MKRN2OS: variants seen among roughly 807,000 people sequenced by gnomAD.
MKRN2OS encodes the protein MKRN2 opposite strand, also known as MKRN2 opposite strand protein.
Under a neutral mutation model 18.2 loss-of-function variants are expected in MKRN2OS, and 17 were observed. The ratio of observed to expected loss-of-function variants is 0.93; its 90% CI spans 0.64 to 1.40. MKRN2OS has a LOEUF of 1.40. Among genes scored for constraint, MKRN2OS ranks in the 40% most tolerant of loss-of-function variants. The pLI is 0.00. For synonymous variants in MKRN2OS, 121 were observed against 108.5 expected, an observed-to-expected ratio of 1.12 and a Z score of -0.72; for missense variants, 337 against 283.0, an observed-to-expected ratio of 1.19 and a Z score of -1.37.
Position 12,540,028 on chromosome 3 carries a change from A to G in MKRN2OS, c.*165T>C, listed in dbSNP as rs2057771035. ...TCAAACTCCCAACCTCAGGTGACCT[A>G]CCTGTCTTAGCTTCCCAAAGTGCTG... is the stretch of plus-strand genomic sequence containing the variant. On this transcript the variant is annotated 3_prime_UTR_variant, in exon 4 of 4. Transcript: ENST00000564146. 5 of 967,450 alleles carry G rather than the reference A, an allele frequency of 5.2e-6. No individual in the cohort carries two copies. Among genetic ancestry groups the G allele is most frequent in the Non-Finnish European group, 7.5e-6 (5 of 666,856 alleles). The allele number at this position is 967,450 out of a possible 1,614,324, so 59.9% of individuals were successfully genotyped here.
intron 1 of MKRN2OS, among the ~76,000 whole-genome samples, chr3:12,558,915 T>A (rs770765923): frequency 1.3e-5 from 2 of 152,244 alleles, no homozygotes; most frequent in Non-Finnish European, 2.9e-5. Context: ...CCACAGATCG[T>A]AAAACTGAGC....
At position 12,545,333 on chromosome 3, in the gene MKRN2OS, T is replaced by A; in HGVS notation, c.132A>T (p.Ala44=). ...QDLGSRKLED[A]PVSIANPFTN... is the part of the protein sequence containing the mutation. ...TAAATGGATTAGCGATGCTAACAGG[T>A]GCGTCCTCCAGCTTCCTCGAGCCCA... is the stretch of plus-strand genomic sequence containing the variant. The change falls in exon 1 of 4, where the codon GCA becomes GCT. Residue 44 remains alanine (A), a synonymous_variant. Coordinates refer to ENST00000564146, the MANE Select transcript of MKRN2OS (RefSeq NM_001195279.2). 6.5e-7 allele frequency: 1 copy of A among 1,536,070 alleles called. No individual in the cohort carries two copies. Among genetic ancestry groups the A allele is most frequent in the Non-Finnish European group, 8.7e-7 (1 of 1,146,894 alleles).
chr3:12,540,271 C>T lies in MKRN2OS; in HGVS notation c.594G>A (p.Ala198=), dbSNP rs374580814. ...LASKFITLYR[A]IREHGFYVTD... ...TGACGTAGAAGCCATGCTCCCGTAT[C>T]GCCCGGTAGAGTGTGATGAACTTGG... The change falls in exon 4 of 4, where the codon GCG becomes GCA. Residue 198 remains alanine, a synonymous_variant. Coordinates refer to ENST00000564146, the MANE Select transcript of MKRN2OS (RefSeq NM_001195279.2). The T allele has an allele frequency of 9.8e-6, 15 of 1,536,174 alleles. No individual in the cohort carries two copies. The highest frequency in any genetic ancestry group is 8.3e-5 in the South Asian group (7 of 84,058).
At chr3:12,553,622 A>G (rs185805691), downstream of MKRN2OS, 1 of 152,302 alleles carries the variant, frequency 6.6e-6, no homozygotes, top group Admixed American at 6.5e-5. Flanking sequence ...AATAAGATGT[A>G]CACTATTACT....
chr3:12,540,411 A>C lies in MKRN2OS; in HGVS notation c.454T>G (p.Cys152Gly), dbSNP rs1369472080. 14 of 1,536,138 alleles carry C rather than the reference A, an allele frequency of 9.1e-6. No individual in the cohort carries two copies. The highest frequency in any genetic ancestry group is 7.8e-6 in the Non-Finnish European group (9 of 1,146,914). ...PHRYEDNHHN[C>G]YSYALTFINC... ...ATGAACGTGAGTGCGTAAGAGTAGC[A>C]GTTATGGTGGTTGTCTTCATACCTT... Residue 152 changes from cysteine to glycine, a missense_variant, in exon 4 of 4, where the codon TGC becomes GGC. By Grantham distance (159) the Cys-to-Gly change is radical. Coordinates refer to ENST00000564146, the MANE Select transcript of MKRN2OS (RefSeq NM_001195279.2).
chr3:12,548,036 G>A (rs895987464), upstream of MKRN2OS, among the ~76,000 whole-genome samples: 3 of 152,116 alleles, frequency 2.0e-5, no homozygotes, highest in East Asian at 1.9e-4. Context: ...ACGGCCGGGC[G>A]CAGTGGCTCA....
Position 12,540,138 on chromosome 3 carries a change from A to T in MKRN2OS, c.*55T>A. The T allele has an allele frequency of 3.9e-6, 6 of 1,534,734 alleles. No individual in the cohort carries two copies. Among genetic ancestry groups the T allele is most frequent in the Non-Finnish European group, 4.4e-6 (5 of 1,146,068 alleles). On this transcript the variant is annotated 3_prime_UTR_variant, in exon 4 of 4. Coordinates refer to ENST00000564146, the MANE Select transcript of MKRN2OS (RefSeq NM_001195279.2). Reference sequence around the variant, plus strand: ...ATGCATTTAGAAATCCATAGTACTGATTAAAGGTAGCAACCACCCTACCCT... The same window carrying T: ...ATGCATTTAGAAATCCATAGTACTGTTTAAAGGTAGCAACCACCCTACCCT...
In MKRN2OS at chr3:12,540,219, G is replaced by C; in HGVS notation, c.646C>G (p.Pro216Ala). The C allele has an allele frequency of 5.9e-6, 9 of 1,536,140 alleles. No individual in the cohort carries two copies. Among genetic ancestry groups the C allele is most frequent in the Non-Finnish European group, 7.8e-6 (9 of 1,146,916 alleles). Residue 216 changes from proline (P) to alanine (A), a missense_variant, in exon 4 of 4, where the codon CCC becomes GCC. Physicochemically the swap from Pro to Ala is conservative, Grantham distance 27 (BLOSUM62 -1). Coordinates refer to ENST00000564146, the MANE Select transcript of MKRN2OS (RefSeq NM_001195279.2). ...VTDCPQQQAQPPEGGGLC is the reference protein window; with the variant it reads ...VTDCPQQQAQAPEGGGLC ...CAGCACAAACCGCCGCCCTCAGGGGGTTGTGCCTGCTGCTGGGGACAGTCA... is the reference window on the plus strand; with the variant it reads ...CAGCACAAACCGCCGCCCTCAGGGGCTTGTGCCTGCTGCTGGGGACAGTCA...
chr3:12,545,075 C>G lies in MKRN2OS; in HGVS notation c.218+172G>C, dbSNP rs189354324. On this transcript the variant is annotated intron_variant, in intron 1 of 3. Coordinates refer to ENST00000564146, the MANE Select transcript of MKRN2OS (RefSeq NM_001195279.2). Reference sequence around the variant, plus strand: ...TTGTCACTGCAGGAACATATGCACACCATCTGTTTTTATGAAGCCAGTAGG... The same window carrying G: ...TTGTCACTGCAGGAACATATGCACAGCATCTGTTTTTATGAAGCCAGTAGG... 1.8e-4 allele frequency among the ~76,000 whole-genome samples: 28 copies of G among 152,300 alleles called. No homozygotes were observed. In the East Asian group the frequency reaches 5.4e-3, roughly 29 times the overall value.
At chr3:12,551,890 T>C (rs2057932127), downstream of MKRN2OS, among the ~76,000 whole-genome samples, 2 of 150,766 alleles carry the variant, frequency 1.3e-5, no homozygotes, top group Admixed American at 6.6e-5. Flanking sequence ...GTTGCAGAGT[T>C]GAGATCACAC....
At chr3:12,554,658 A>G (rs2057953537) in intron 1 of MKRN2OS, among the ~76,000 whole-genome samples, 1 of 152,076 alleles carries the variant, frequency 6.6e-6, no homozygotes, top group Non-Finnish European at 1.5e-5. Context: ...ACGGAATACT[A>G]TACAGTTCTA....
chr3:12,556,381 T>TA lies in MKRN2OS; in HGVS notation n.265-2248dup, dbSNP rs11359894. On this transcript the variant is annotated intron_variant and non_coding_transcript_variant, in intron 1 of 1. Coordinates refer to the MKRN2OS transcript ENST00000447550. ...AAATAAAAAATAAAATAATAATAAT[T>TA]AAAAAAAAAGGTATCGCATGGTGCT... Among the ~76,000 whole-genome samples the TA allele has an allele frequency of 2.4e-4, 37 of 151,068 alleles. 1 individual carries two copies. Among genetic ancestry groups the TA allele is most frequent in the Admixed American group, 1.4e-3 (21 of 15,204 alleles).
chr3:12,559,469 G>A (rs2058017840), intron 1 of MKRN2OS, among the ~76,000 whole-genome samples: 1 of 152,030 alleles, frequency 6.6e-6, no homozygotes, highest in African/African-American at 2.4e-5. Flanking sequence ...AGGTCACAAA[G>A]TTTTAGGTTT....
At position 12,545,426 on chromosome 3, in the gene MKRN2OS, GAATTT is replaced by G; in HGVS notation, c.34_38del (p.Lys12GlnfsTer4). 6.5e-7 allele frequency: 1 copy of G among 1,534,998 alleles called. No homozygotes were observed. The highest frequency in any genetic ancestry group is 8.7e-7 in the Non-Finnish European group (1 of 1,146,468). ...TGTAGATGTATTTCTCACAGTGGTTGAATTTAATTAAAGCCTTCCCAGCCTCTGCG... is the reference window on the plus strand; with the variant it reads ...TGTAGATGTATTTCTCACAGTGGTTGAATTAAAGCCTTCCCAGCCTCTGCG... On this transcript the variant is annotated frameshift_variant, in exon 1 of 4. Coordinates refer to ENST00000564146, the MANE Select transcript of MKRN2OS (RefSeq NM_001195279.2). LOFTEE classifies it high-confidence loss of function.
chr3:12,557,186 C>T (rs767397788), intron 1 of MKRN2OS: 9 of 1,535,492 alleles, frequency 5.9e-6, no homozygotes, highest in Non-Finnish European at 7.9e-6. Flanking sequence ...GGTCAGTGCG[C>T]TGGAGCCAGG....
upstream of MKRN2OS, among the ~76,000 whole-genome samples, chr3:12,548,341 G>A (rs1365379417): frequency 3.9e-5 from 6 of 151,920 alleles, no homozygotes; most frequent in Admixed American, 2.6e-4. Flanking sequence ...CCAGCTACTC[G>A]GGAGGCTGAG....
chr3:12,544,741 T>C (rs2454435), intron 1 of MKRN2OS, among the ~76,000 whole-genome samples: 90,482 of 151,930 alleles, frequency 0.6, 29,994 homozygotes, highest in African/African-American at 0.89. Context: ...TTGTTTATGC[T>C]AGCGCTCTCA....
chr3:12,543,906 A>T (rs932107840), intron 1 of MKRN2OS, among the ~76,000 whole-genome samples: 36 of 152,092 alleles, frequency 2.4e-4, no homozygotes, highest in Admixed American at 1.1e-3. Flanking sequence ...AAAAAAAAAA[A>T]AAATAACAGT....
intron 1 of MKRN2OS, among the ~76,000 whole-genome samples, chr3:12,543,432 C>T (rs988563974): frequency 1.3e-5 from 2 of 151,178 alleles, no homozygotes; most frequent in Non-Finnish European, 2.9e-5. Context: ...ACTAAAAATA[C>T]AAAAATTAGC....
Sources: gnomAD v4.1 joint callset for allele counts (sites outside exome capture counted in the v4.1 genomes callset) on GRCh38, gnomAD v4.1.1 for gene constraint, MANE v1.5 for transcripts, NCBI Gene and HGNC (gene_info 2026-07-23, HGNC 2026-07-21) for gene names.